PCDH9: variants seen among roughly 807,000 people sequenced by gnomAD.
The protein encoded by PCDH9 is protocadherin 9.
PCDH9 carries 24 observed loss-of-function variants against 70.6 expected under a neutral mutation model. The observed-to-expected ratio is 0.34, with a 90% CI of 0.25 to 0.48. The LOEUF (loss-of-function observed/expected upper bound fraction) is 0.48, where lower values mean the gene tolerates loss of function less well. Among genes scored for constraint, PCDH9 ranks in the 20% least tolerant of loss-of-function variants. PCDH9 has a pLI of 0.99. For synonymous variants in PCDH9, 562 were observed against 558.5 expected, an observed-to-expected ratio of 1.01 and a Z score of -0.09; for missense variants, 1,281 against 1,503.6, an observed-to-expected ratio of 0.85 and a Z score of 2.45.
At chr13:67,120,130 A>G (rs2086848992) in intron 2 of PCDH9, among the ~76,000 whole-genome samples, 1 of 151,304 alleles carries the variant, frequency 6.6e-6, no homozygotes, top group South Asian at 2.1e-4. Flanking sequence ...GTATGTTTAT[A>G]GTGTGTGAAT....
chr13:66,839,082 A>T (rs1440605198), intron 3 of PCDH9, among the ~76,000 whole-genome samples: 1 of 151,964 alleles, frequency 6.6e-6, no homozygotes, highest in Non-Finnish European at 1.5e-5. Flanking sequence ...CAGAGTATTA[A>T]AAAAACTTTA....
intron 4 of PCDH9, among the ~76,000 whole-genome samples, chr13:66,609,023 T>C (rs189221903): frequency 2.3e-3 from 357 of 152,320 alleles, no homozygotes; most frequent in African/African-American, 8.2e-3. Flanking sequence ...AAGTGAGATC[T>C]TCAAATGGGT....
chr13:66,810,879 T>C (rs1457516904), intron 3 of PCDH9, among the ~76,000 whole-genome samples: 1 of 151,924 alleles, frequency 6.6e-6, no homozygotes, highest in African/African-American at 2.4e-5. Flanking sequence ...ACAAGATATA[T>C]GTTGCTATCT....
At chr13:66,350,424 C>T (rs1357881265) in intron 4 of PCDH9, among the ~76,000 whole-genome samples, 1 of 152,152 alleles carries the variant, frequency 6.6e-6, no homozygotes, top group Non-Finnish European at 1.5e-5. Flanking sequence ...TCACTGCCCA[C>T]TCCTTCTCAC....
intron 3 of PCDH9, among the ~76,000 whole-genome samples, chr13:66,827,062 T>C (rs1217538131): frequency 6.6e-6 from 1 of 152,176 alleles, no homozygotes; most frequent in Non-Finnish European, 1.5e-5. Context: ...CTTTATAGCA[T>C]GGAGGCAGAG....
intron 3 of PCDH9, among the ~76,000 whole-genome samples, chr13:66,639,295 T>G (rs189958637): frequency 3.5e-4 from 53 of 152,354 alleles, no homozygotes; most frequent in Middle Eastern, 6.8e-3. Flanking sequence ...TTTATGTGTG[T>G]GGAAAACTCA....
chr13:67,057,829 A>G (rs2085453257), intron 2 of PCDH9, among the ~76,000 whole-genome samples: 1 of 152,178 alleles, frequency 6.6e-6, no homozygotes, highest in Non-Finnish European at 1.5e-5. Flanking sequence ...ACACTTGACC[A>G]TCATAAGCTA....
At chr13:66,636,069 G>A (rs989319836) in intron 3 of PCDH9, among the ~76,000 whole-genome samples, 8 of 152,054 alleles carry the variant, frequency 5.3e-5, no homozygotes, top group Non-Finnish European at 8.8e-5. Context: ...TTGCATTTTT[G>A]TTAATGTGTA....
chr13:66,321,824 T>G (rs1487514878), intron 4 of PCDH9, among the ~76,000 whole-genome samples: 1 of 152,008 alleles, frequency 6.6e-6, no homozygotes, highest in African/African-American at 2.4e-5. Context: ...GTTTCTTCTT[T>G]GGATCTCACT....
intron 2 of PCDH9, among the ~76,000 whole-genome samples, chr13:67,039,644 G>T (rs2085074604): frequency 6.6e-6 from 1 of 152,128 alleles, no homozygotes; most frequent in African/African-American, 2.4e-5. Context: ...GACAGAAGTT[G>T]CTCTATATAC....
chr13:66,509,643 AG>A, intron 4 of PCDH9, among the ~76,000 whole-genome samples: 1 of 152,078 alleles, frequency 6.6e-6, no homozygotes, highest in Non-Finnish European at 1.5e-5. Flanking sequence ...GGTAGAGACA[AG>A]GTCTCATTAT....
intron 2 of PCDH9, among the ~76,000 whole-genome samples, chr13:67,135,184 A>G (rs1204727127): frequency 2.0e-5 from 3 of 152,160 alleles, no homozygotes; most frequent in South Asian, 2.1e-4. Context: ...GATGCAGCAC[A>G]CTTTCAGAAA....
At chr13:66,570,430 C>T (rs1194528462) in intron 4 of PCDH9, among the ~76,000 whole-genome samples, 1 of 152,026 alleles carries the variant, frequency 6.6e-6, no homozygotes, top group Non-Finnish European at 1.5e-5. Flanking sequence ...CAAATGAATA[C>T]CAGTAAAACT....
intron 4 of PCDH9, among the ~76,000 whole-genome samples, chr13:66,491,340 T>A (rs1400797483): frequency 1.4e-5 from 2 of 146,626 alleles, no homozygotes; most frequent in Admixed American, 6.9e-5. Flanking sequence ...CGGAACAGAT[T>A]TTGGCCAAGG....
intron 4 of PCDH9, among the ~76,000 whole-genome samples, chr13:66,440,423 T>G (rs559509326): frequency 6.6e-6 from 1 of 152,124 alleles, no homozygotes; most frequent in Non-Finnish European, 1.5e-5. Flanking sequence ...TCTTTTAGAT[T>G]TTTTGGCTGG....
chr13:66,632,597 T>TA (rs1462278666), intron 3 of PCDH9, among the ~76,000 whole-genome samples: 4 of 152,148 alleles, frequency 2.6e-5, no homozygotes, highest in Non-Finnish European at 4.4e-5. Context: ...AGTTTTCTCA[T>TA]AAAAAATAAT....
At chr13:67,012,635 AT>A (rs35000555) in intron 2 of PCDH9, among the ~76,000 whole-genome samples, 1 of 151,880 alleles carries the variant, frequency 6.6e-6, no homozygotes, top group Non-Finnish European at 1.5e-5. Flanking sequence ...AGTGAGTCGC[AT>A]TTTTTTCCAT....
chr13:66,777,974 C>T (rs1283338084), intron 3 of PCDH9, among the ~76,000 whole-genome samples: 1 of 151,980 alleles, frequency 6.6e-6, no homozygotes, highest in Non-Finnish European at 1.5e-5. Flanking sequence ...GAGTTCATGT[C>T]CTTTGTAGGG....
At chr13:67,092,218 A>T (rs1042468077) in intron 2 of PCDH9, among the ~76,000 whole-genome samples, 2 of 152,122 alleles carry the variant, frequency 1.3e-5, no homozygotes, top group Non-Finnish European at 2.9e-5. Flanking sequence ...CTTTATATCT[A>T]TATCGAGGAT....
Sources: allele counts gnomAD v4.1 joint callset (sites outside exome capture counted in the v4.1 genomes callset), GRCh38; gene constraint gnomAD v4.1.1; transcripts MANE v1.5; gene names NCBI Gene and HGNC (gene_info 2026-07-23, HGNC 2026-07-21).